TOR1AIP2: variants seen among roughly 807,000 people sequenced by gnomAD.
The protein encoded by TOR1AIP2 is torsin 1A interacting protein 2, also known as torsin-1A-interacting protein 2.
TOR1AIP2 carries 20 observed loss-of-function variants against 32.6 expected under a neutral mutation model. That is an observed-to-expected ratio of 0.61 (90% CI 0.43 to 0.89). The LOEUF (loss-of-function observed/expected upper bound fraction) is 0.89, where lower values mean the gene tolerates loss of function less well. Ranked by LOEUF, TOR1AIP2 falls within the 40% of genes least tolerant of loss-of-function variation. TOR1AIP2 has a pLI of 0.00. For missense variants in TOR1AIP2, 456 were observed against 553.8 expected, an observed-to-expected ratio of 0.82 and a Z score of 1.77; for synonymous variants, 214 against 210.8, an observed-to-expected ratio of 1.02 and a Z score of -0.13.
intron 3 of TOR1AIP2, chr1:179,863,964 T>C (rs1309303465): frequency 1.0e-6 from 1 of 985,414 alleles, no homozygotes; most frequent in Non-Finnish European, 1.2e-6. Flanking sequence ...CTGTTCATAA[T>C]ATATATGAAG....
intron 2 of TOR1AIP2, among the ~76,000 whole-genome samples, chr1:179,866,373 A>G (rs1272350112): frequency 2.0e-5 from 3 of 151,992 alleles, no homozygotes; most frequent in African/African-American, 7.2e-5. Flanking sequence ...AAGAGGGGCA[A>G]GTCTAATTGC....
Position 179,846,353 on chromosome 1 carries a change from G to A in TOR1AIP2, c.1131C>T (p.Ile377=), listed in dbSNP as rs57174146. ...TCTCATGATCACAATACTTATAGAA[G>A]ATCAAAGTGGAGCCGGCAGGGAAGG... ...FESFPAGSTL[I]FYKYCDHENA... Residue 377 remains isoleucine, a synonymous_variant, in exon 7 of 7, where the codon ATC becomes ATT. Coordinates refer to ENST00000609928, the MANE Select transcript of TOR1AIP2 (RefSeq NM_001199260.2). 1,727 of 1,614,178 alleles carry A rather than the reference G, an allele frequency of 1.1e-3. 15 individuals are homozygous for A. The African/African-American group carries it at 0.02, about 18-fold the overall frequency.
intron 3 of TOR1AIP2, chr1:179,861,021 G>A: frequency 1.0e-6 from 1 of 985,412 alleles, no homozygotes. Flanking sequence ...CCTCTTTGGT[G>A]GATGTATTTT....
At position 179,846,753 on chromosome 1, in the gene TOR1AIP2, T is replaced by C. The variant is rs770725618; in HGVS notation, c.731A>G (p.Gln244Arg). The change falls in exon 7 of 7, where the codon CAG (glutamine) becomes CGG (arginine). Residue 244 changes from glutamine to arginine, a missense_variant. By Grantham distance (43) the Gln-to-Arg change is conservative (BLOSUM62 1). Transcript: ENST00000609928. The part of the protein sequence containing the change: ...SVNSYYSSPA[Q>R]QVPKNPALEA... ...CAAAGCTGGATTTTTGGGCACTTGC[T>C]GGGCTGGAGAGGAATAGTAGCTATT... The C allele has an allele frequency of 3.1e-6, 5 of 1,613,914 alleles. No homozygotes were observed. The highest frequency in any genetic ancestry group is 3.4e-6 in the Non-Finnish European group (4 of 1,180,020).
chr1:179,864,784 T>C (rs1696699215), intron 3 of TOR1AIP2: 1 of 1,592,492 alleles, frequency 6.3e-7, no homozygotes, highest in Non-Finnish European at 8.5e-7. Flanking sequence ...ATAGAAGCTA[T>C]TTGTTTTGGC....
intron 3 of TOR1AIP2, among the ~76,000 whole-genome samples, chr1:179,858,311 CAT>C (rs751761581): frequency 3.2e-4 from 49 of 151,722 alleles, no homozygotes; most frequent in African/African-American, 6.1e-4. Flanking sequence ...GCATTATTAA[CAT>C]ATATAAATTT....
intron 3 of TOR1AIP2, chr1:179,862,140 GAT>G (rs1696561340): frequency 1.0e-6 from 1 of 984,430 alleles, no homozygotes; most frequent in African/African-American, 1.7e-5. Flanking sequence ...AGAAATCAAT[GAT>G]ATAAATCCTT....
At chr1:179,850,587 C>T (rs1696077526) in intron 5 of TOR1AIP2, among the ~76,000 whole-genome samples, 1 of 152,124 alleles carries the variant, frequency 6.6e-6, no homozygotes, top group Admixed American at 6.5e-5. Flanking sequence ...TTAATATAAA[C>T]AGTTAATAAA....
At chr1:179,864,569 TTAGCCTCAGTCTAGATGAACAGG>T (rs1180983316) in intron 3 of TOR1AIP2, 16,966 of 1,337,746 alleles carry the variant, frequency 0.013, 559 homozygotes, top group African/African-American at 0.11. Flanking sequence ...GATGAACAGA[TTAGCCTCAGTCTAGATGAACAGG>T]CTGGCTGGAA....
chr1:179,851,359 A>G lies in TOR1AIP2; in HGVS notation c.39T>C (p.Ser13=). 1 of 1,552,978 alleles carries G rather than the reference A, an allele frequency of 6.4e-7. No individual in the cohort carries two copies. The highest frequency in any genetic ancestry group is 8.6e-7 in the Non-Finnish European group (1 of 1,158,954). The change falls in exon 5 of 7, where the codon TCT becomes TCC. Residue 13 remains serine, a synonymous_variant. Coordinates refer to ENST00000609928, the MANE Select transcript of TOR1AIP2 (RefSeq NM_001199260.2). ...ATGGATCATTTTCCAAATCCTTTTG[A>G]GAGTCTATTGAGATAAAAGTTTATA... The part of the protein sequence containing the change: ...DSGLREPQED[S]QKDLENDPSV...
chr1:179,850,986 C>A lies in TOR1AIP2; in HGVS notation c.412G>T (p.Ala138Ser), dbSNP rs1231250352. The change falls in exon 5 of 7, where the codon GCC becomes TCC. Residue 138 changes from alanine (A) to serine (S), a missense_variant. Physicochemically the swap from Ala to Ser is moderately conservative, Grantham distance 99. Coordinates refer to ENST00000609928, the MANE Select transcript of TOR1AIP2 (RefSeq NM_001199260.2). ...CCGTCACTCGCTTCCTTAGGGAGGG[C>A]CACAGAGCTGCTCCCTAAGTGTGCA... The part of the protein sequence containing the change: ...ADAHLGSSSV[A>S]LPKEASDGTG... 6.2e-7 allele frequency: 1 copy of A among 1,614,040 alleles called. No homozygotes were observed. Among genetic ancestry groups the A allele is most frequent in the African/African-American group, 1.3e-5 (1 of 74,918 alleles).
Position 179,846,368 on chromosome 1 carries a change from G to A in TOR1AIP2, c.1116C>T (p.Ala372=), listed in dbSNP as rs116215968. The A allele has an allele frequency of 5.4e-5, 87 of 1,614,018 alleles. No homozygotes were observed. The highest frequency in any genetic ancestry group is 6.7e-5 in the East Asian group (3 of 44,904). The part of the protein sequence containing the change: ...AVVHHFESFP[A]GSTLIFYKYC... ...ACTTATAGAAGATCAAAGTGGAGCC[G>A]GCAGGGAAGGATTCGAAGTGGTGTA... Residue 372 remains alanine (A), a synonymous_variant, in exon 7 of 7, where the codon GCC becomes GCT. Coordinates refer to ENST00000609928, the MANE Select transcript of TOR1AIP2 (RefSeq NM_001199260.2).
rs955858721 is a variant in TOR1AIP2, at chr1:179,845,877, G to A, written c.*194C>T. 1.1e-5 allele frequency: 6 copies of A among 549,694 alleles called. No homozygotes were observed. Among genetic ancestry groups the A allele is most frequent in the African/African-American group, 5.7e-5 (3 of 52,464 alleles). 34.1% of individuals were successfully genotyped at this position (549,694 alleles called of 1,614,324 possible). A position where few individuals can be genotyped will look rare whatever the true frequency, so the allele number is the denominator to read the frequency against. ...AGAAAAAAAGTCAGGTTAATTTTTA[G>A]CTTTGTCAAGGCTTAGATTAGAAAG... On this transcript the variant is annotated 3_prime_UTR_variant, in exon 7 of 7. Transcript: ENST00000609928.
chr1:179,847,278 G>C (rs571508046), intron 6 of TOR1AIP2, among the ~76,000 whole-genome samples: 1 of 151,978 alleles, frequency 6.6e-6, no homozygotes, highest in Non-Finnish European at 1.5e-5. Flanking sequence ...GGCAGTTTTT[G>C]TTTCTTGTTT....
chr1:179,876,836 TAG>T, intron 2 of TOR1AIP2, among the ~76,000 whole-genome samples: 1 of 152,180 alleles, frequency 6.6e-6, no homozygotes, highest in Admixed American at 6.5e-5. Context: ...ACTCATAAAG[TAG>T]AGAGTACTAT....
Position 179,856,861 on chromosome 1 carries a change from G to A in TOR1AIP2, c.-146-4050C>T, listed in dbSNP as rs369443443. Among the ~76,000 whole-genome samples, 244 of 152,252 alleles carry A rather than the reference G, an allele frequency of 1.6e-3. 2 individuals are homozygous for A. Among genetic ancestry groups the A allele is most frequent in the African/African-American group, 5.7e-3 (236 of 41,550 alleles). On this transcript the variant is annotated intron_variant, in intron 3 of 6. Coordinates refer to ENST00000609928, the MANE Select transcript of TOR1AIP2 (RefSeq NM_001199260.2). The stretch of plus-strand genomic sequence containing the variant: ...ACTCCTGGCCTCAAGTGATCTGCCC[G>A]CCTCAGCCTCACAAAGTGGTGGGGA...
intron 2 of TOR1AIP2, chr1:179,873,869 A>C (rs1697096890): frequency 6.6e-6 from 1 of 152,174 alleles, no homozygotes; most frequent in Non-Finnish European, 1.5e-5. Context: ...GAACTCCTTC[A>C]AGTTGGCTCT....
intron 2 of TOR1AIP2, among the ~76,000 whole-genome samples, chr1:179,867,293 G>A (rs373087715): frequency 5.9e-5 from 9 of 152,282 alleles, no homozygotes; most frequent in South Asian, 2.1e-4. Context: ...AACAATGTAC[G>A]GGTGAGGGCT....
intron 3 of TOR1AIP2, chr1:179,861,051 A>G (rs1696511147): frequency 1.0e-6 from 1 of 985,312 alleles, no homozygotes; most frequent in Non-Finnish European, 1.2e-6. Flanking sequence ...CTGCCCTTGC[A>G]TGTTTCCATT....
Sources: gnomAD v4.1 joint callset for allele counts (sites outside exome capture counted in the v4.1 genomes callset) on GRCh38, gnomAD v4.1.1 for gene constraint, MANE v1.5 for transcripts, NCBI Gene and HGNC (gene_info 2026-07-23, HGNC 2026-07-21) for gene names.